The following RPS6KA3 variants were observed in gnomAD, a reference collection of about 807,000 sequenced individuals.
RPS6KA3 encodes the protein ribosomal protein S6 kinase alpha-3.
Under a neutral mutation model 67.2 loss-of-function variants are expected in RPS6KA3, and 4 were observed. The observed-to-expected ratio is 0.06, with a 90% CI of 0.03 to 0.14. The LOEUF (loss-of-function observed/expected upper bound fraction) is 0.14, where lower values mean the gene tolerates loss of function less well. Among genes scored for constraint, RPS6KA3 ranks in the 10% least tolerant of loss-of-function variants. RPS6KA3 has a pLI of 1.00. For missense variants in RPS6KA3, 204 were observed against 559.0 expected (o/e 0.36, Z 6.40); for synonymous variants, 182 against 183.7 (o/e 0.99, Z 0.07).
intron 10 of RPS6KA3, among the ~76,000 whole-genome samples, chrX:20,182,113 T>C (rs754424402): frequency 5.4e-5 from 6 of 111,513 alleles, no homozygotes; most frequent in Non-Finnish European, 1.1e-4. Context: ...ACACCCAAAG[T>C]ACACAGCTCA....
At chrX:20,235,990 G>GA (rs2069401295) in intron 1 of RPS6KA3, among the ~76,000 whole-genome samples, 1 of 111,597 alleles carries the variant, frequency 9.0e-6, no homozygotes, top group Non-Finnish European at 1.9e-5. Flanking sequence ...TCATTAAAAT[G>GA]ATGATAAAGG....
chrX:20,257,109 T>C lies in RPS6KA3; in HGVS notation c.69+9455A>G, dbSNP rs769970493. Among the ~76,000 whole-genome samples, 5 of 112,137 alleles carry C rather than the reference T, an allele frequency of 4.5e-5. No individual in the cohort carries two copies. The South Asian group carries it at 1.9e-3, about 42-fold the overall frequency. ...TTAACCCTTCTAGGCTTCAGTTTCC[T>C]CATCTGTAAGTTGAGGATAATTCTG... On this transcript the variant is annotated intron_variant, in intron 1 of 21. Coordinates refer to ENST00000379565, the MANE Select transcript of RPS6KA3 (RefSeq NM_004586.3).
In RPS6KA3 at chrX:20,201,936, T is replaced by C. The variant is rs187376986; in HGVS notation, c.325+2086A>G. On this transcript the variant is annotated intron_variant, in intron 4 of 21. Transcript: ENST00000379565. The stretch of plus-strand genomic sequence containing the variant: ...AATTCAGTTAGGGTGGAGTTTGTTA[T>C]GGTGTTATTTTCCAGCTTGCTCAGG... Among the ~76,000 whole-genome samples the C allele has an allele frequency of 9.0e-4, 99 of 110,143 alleles. 1 individual carries two copies. Among genetic ancestry groups the C allele is most frequent in the African/African-American group, 2.9e-3 (89 of 30,430 alleles).
intron 1 of RPS6KA3, among the ~76,000 whole-genome samples, chrX:20,250,165 G>C (rs1216430780): frequency 9.0e-6 from 1 of 111,481 alleles, no homozygotes; most frequent in African/African-American, 3.3e-5. Flanking sequence ...GATATAGTAA[G>C]TCTTAAAATC....
chrX:20,192,598 T>C (rs1020866862), intron 7 of RPS6KA3, among the ~76,000 whole-genome samples: 30 of 88,596 alleles, frequency 3.4e-4, no homozygotes, highest in South Asian at 5.8e-4. Flanking sequence ...TTTTCTTTTT[T>C]TTTTTTTTTT....
intron 2 of RPS6KA3, chrX:20,218,902 G>T: frequency 1.0e-6 from 1 of 990,053 alleles, no homozygotes; most frequent in Non-Finnish European, 1.4e-6. Flanking sequence ...AGAAAGGGAA[G>T]GCCAAGCCCC....
intron 2 of RPS6KA3, among the ~76,000 whole-genome samples, chrX:20,233,814 C>A (rs2069337493): frequency 9.0e-6 from 1 of 111,617 alleles, no homozygotes; most frequent in South Asian, 3.7e-4. Flanking sequence ...TACTGTCATA[C>A]AAAGATGTTC....
rs1481912320 is a variant in RPS6KA3, at chrX:20,175,248, A to C, written c.1143T>G (p.Leu381=). 8.3e-7 allele frequency: 1 copy of C among 1,208,889 alleles called. No homozygotes were observed. The highest frequency in any genetic ancestry group is 1.1e-6 in the Non-Finnish European group (1 of 892,757). The part of the protein sequence containing the change: ...GIPPSANAHQ[L]FRGFSFVAIT... ...TAGCAACAAAACTAAACCCCCGAAA[A>C]AGCTGATGTGCATTAGCACTAGGTG... The change falls in exon 14 of 22, where the codon CTT becomes CTG. Residue 381 remains leucine (L), a synonymous_variant. Transcript: ENST00000379565.
chrX:20,160,513 G>C (rs947673391), intron 20 of RPS6KA3, among the ~76,000 whole-genome samples: 1 of 110,893 alleles, frequency 9.0e-6, no homozygotes, highest in Non-Finnish European at 1.9e-5. Flanking sequence ...TGCAACCTCC[G>C]CCTCCCTAGC....
At chrX:20,225,474 T>C (rs775314675) in intron 2 of RPS6KA3, among the ~76,000 whole-genome samples, 1 of 110,966 alleles carries the variant, frequency 9.0e-6, no homozygotes, top group East Asian at 2.8e-4. Context: ...TTAAATCTAC[T>C]AGGGTATTTT....
intron 1 of RPS6KA3, among the ~76,000 whole-genome samples, chrX:20,235,807 T>C (rs1201339020): frequency 9.0e-6 from 1 of 111,544 alleles, no homozygotes; most frequent in Non-Finnish European, 1.9e-5. Context: ...AAATGTCTCA[T>C]CAATTCTACT....
At chrX:20,238,238 G>A (rs933202927) in intron 1 of RPS6KA3, among the ~76,000 whole-genome samples, 1 of 111,216 alleles carries the variant, frequency 9.0e-6, no homozygotes, top group Non-Finnish European at 1.9e-5. Flanking sequence ...AACGACCAAT[G>A]CAGAGTAAAG....
chrX:20,233,952 G>A (rs1458087258), intron 2 of RPS6KA3, among the ~76,000 whole-genome samples: 1 of 111,990 alleles, frequency 8.9e-6, no homozygotes, highest in African/African-American at 3.2e-5. Flanking sequence ...TCTGTGTGTG[G>A]TGGTAGGGAA....
intron 4 of RPS6KA3, among the ~76,000 whole-genome samples, chrX:20,198,257 A>G (rs774108395): frequency 8.9e-6 from 1 of 112,217 alleles, no homozygotes; most frequent in African/African-American, 3.2e-5. Context: ...GTGGTAACTA[A>G]CAAAGCAGAC....
chrX:20,253,965 C>T (rs1252801738), intron 1 of RPS6KA3, among the ~76,000 whole-genome samples: 2 of 111,498 alleles, frequency 1.8e-5, no homozygotes, highest in Non-Finnish European at 3.8e-5. Flanking sequence ...ATGAGCTCTT[C>T]TTTTTATTAA....
At chrX:20,165,644 G>A (rs925776769) in intron 17 of RPS6KA3, among the ~76,000 whole-genome samples, 1 of 111,919 alleles carries the variant, frequency 8.9e-6, no homozygotes, top group Non-Finnish European at 1.9e-5. Context: ...GGAACAGCAC[G>A]TACAAGATAC....
At chrX:20,163,978 T>C (rs1319984596) in intron 18 of RPS6KA3, among the ~76,000 whole-genome samples, 2 of 111,182 alleles carry the variant, frequency 1.8e-5, no homozygotes, top group Non-Finnish European at 3.8e-5. Flanking sequence ...CAAGATCTCA[T>C]CTTTAAAAAA....
intron 1 of RPS6KA3, among the ~76,000 whole-genome samples, chrX:20,240,889 T>A (rs1354964436): frequency 9.0e-6 from 1 of 111,379 alleles, no homozygotes; most frequent in Admixed American, 9.5e-5. Context: ...CATGTGTGCA[T>A]GTAGCTGGCA....
intron 20 of RPS6KA3, among the ~76,000 whole-genome samples, chrX:20,161,011 A>G (rs772164539): frequency 5.4e-5 from 6 of 111,748 alleles, no homozygotes; most frequent in Non-Finnish European, 9.4e-5. Flanking sequence ...AATAGAACAG[A>G]GTTGGAGAGC....
Sources: allele counts gnomAD v4.1 joint callset (sites outside exome capture counted in the v4.1 genomes callset), GRCh38; gene constraint gnomAD v4.1.1; transcripts MANE v1.5; gene names NCBI Gene and HGNC (gene_info 2026-07-23, HGNC 2026-07-21).